The following PCDHGB3 variants were observed in gnomAD, a reference collection of about 807,000 sequenced individuals.
PCDHGB3 encodes protocadherin gamma subfamily B, 3.
In PCDHGB3, 40 loss-of-function variants were observed where a neutral mutation model predicts 59.2. That is an observed-to-expected ratio of 0.68 (90% CI 0.52 to 0.88). The LOEUF is 0.88. PCDHGB3 is among the 40% of genes least tolerant of loss of function. The probability of loss-of-function intolerance (pLI) is 0.00; values close to 1 mark genes in which losing one functional copy is unlikely to be tolerated. For synonymous variants in PCDHGB3, 581 were observed against 503.6 expected (o/e 1.15, Z -2.06); for missense variants, 1,309 against 1,187.9 (o/e 1.10, Z -1.50).
At chr5:141,457,881 G>T (rs2098931594) in intron 1 of PCDHGB3, among the ~76,000 whole-genome samples, 2 of 152,230 alleles carry the variant, frequency 1.3e-5, no homozygotes, top group African/African-American at 4.8e-5. Context: ...TAGGAACCCT[G>T]TGTGGGGACT....
rs745989563 is a variant in PCDHGB3, at chr5:141,490,728, T to G, written c.2416-4079T>G. The G allele has an allele frequency of 6.2e-7, 1 of 1,614,148 alleles. No individual in the cohort carries two copies. Among genetic ancestry groups the G allele is most frequent in the East Asian group, 2.2e-5 (1 of 44,882 alleles). ...GCCTCACCTACTCCATTGTAGGAAA[T>G]CAGGTTCAGGGAGCCCCAGCCTCCT... On this transcript the variant is annotated intron_variant, in intron 1 of 3. Transcript: ENST00000576222. The surrounding 1 kb of genome is among the most constrained non-coding windows in gnomAD (Gnocchi z 5.4).
chr5:141,474,837 C>T (rs1250443544), intron 1 of PCDHGB3, among the ~76,000 whole-genome samples: 2 of 152,214 alleles, frequency 1.3e-5, no homozygotes, highest in Admixed American at 6.5e-5. Flanking sequence ...CTGTGCCAGG[C>T]ACTTTACCTG....
chr5:141,489,354 G>A lies in PCDHGB3; in HGVS notation c.2416-5453G>A, dbSNP rs773010251. On this transcript the variant is annotated intron_variant, in intron 1 of 3. Coordinates refer to ENST00000576222, the MANE Select transcript of PCDHGB3 (RefSeq NM_018924.5). The surrounding 1 kb of genome is among the most constrained non-coding windows in gnomAD (Gnocchi z 4.5). ...AGCTTCGTTACTCAGTGGTGGAGGA[G>A]TCTGAGCCGGGGACGCTGGTGGGGA... The A allele has an allele frequency of 1.2e-5, 19 of 1,612,796 alleles. No homozygotes were observed. Among genetic ancestry groups the A allele is most frequent in the East Asian group, 2.2e-5 (1 of 44,868 alleles).
At chr5:141,454,977 T>C (rs1357011192) in intron 1 of PCDHGB3, among the ~76,000 whole-genome samples, 6 of 151,508 alleles carry the variant, frequency 4.0e-5, no homozygotes, top group Non-Finnish European at 8.8e-5. Context: ...CTGGCTAATT[T>C]TTTAAAAAAT....
intron 1 of PCDHGB3, chr5:141,394,701 C>A (rs375281416): frequency 5.0e-6 from 8 of 1,613,162 alleles, no homozygotes; most frequent in Non-Finnish European, 6.8e-6. Flanking sequence ...GCGCACGGCG[C>A]GAGCCCTGCT....
In PCDHGB3 at chr5:141,477,294, C is replaced by G. The variant is rs753131175; in HGVS notation, c.2416-17513C>G. On this transcript the variant is annotated intron_variant, in intron 1 of 3. Coordinates refer to ENST00000576222, the MANE Select transcript of PCDHGB3 (RefSeq NM_018924.5). This position sits in a 1 kb window ranked among gnomAD's most constrained non-coding sequence, Gnocchi z 4.9. ...GGGCTGGTGACCTGCGAAGTTCCACCGGGTCTCCCTTTCAGCCTTACTTCT... is the reference window on the plus strand; with the variant it reads ...GGGCTGGTGACCTGCGAAGTTCCACGGGGTCTCCCTTTCAGCCTTACTTCT... The G allele has an allele frequency of 2.1e-5, 34 of 1,614,024 alleles. No individual in the cohort carries two copies. Among genetic ancestry groups the G allele is most frequent in the Non-Finnish European group, 2.9e-5 (34 of 1,180,036 alleles).
At chr5:141,463,168 T>C (rs74924211) in intron 1 of PCDHGB3, among the ~76,000 whole-genome samples, 6,974 of 152,254 alleles carry the variant, frequency 0.046, 178 homozygotes, top group Middle Eastern at 0.082. Context: ...GTGCACTCTA[T>C]GTATGCTCAG....
At chr5:141,466,384 T>C (rs1209046694) in intron 1 of PCDHGB3, among the ~76,000 whole-genome samples, 9 of 152,168 alleles carry the variant, frequency 5.9e-5, no homozygotes, top group Non-Finnish European at 1.3e-4. Context: ...ACCCATCTAA[T>C]GGAAAGTTTG....
At chr5:141,420,494 C>T (rs978136090) in intron 1 of PCDHGB3, 6 of 499,392 alleles carry the variant, frequency 1.2e-5, no homozygotes, top group African/African-American at 2.0e-5. Flanking sequence ...GGGTAATCTC[C>T]GGTGACATTT....
At chr5:141,472,010 C>T (rs1305786275) in intron 1 of PCDHGB3, among the ~76,000 whole-genome samples, 1 of 151,978 alleles carries the variant, frequency 6.6e-6, no homozygotes, top group Non-Finnish European at 1.5e-5. Flanking sequence ...CGTATAGGGG[C>T]ACTATATTGT....
intron 1 of PCDHGB3, chr5:141,376,356 CA>C (rs1259525756): frequency 2.5e-6 from 4 of 1,614,228 alleles, no homozygotes; most frequent in Non-Finnish European, 1.7e-6. Context: ...CACGAGGTCT[CA>C]CTCACTGCAG....
intron 1 of PCDHGB3, chr5:141,397,964 T>A: frequency 9.4e-7 from 1 of 1,060,074 alleles, no homozygotes; most frequent in Non-Finnish European, 1.3e-6. Context: ...CAGCTCAGAC[T>A]CCCCAGCGCC....
chr5:141,408,921 C>T (rs1228341286), intron 1 of PCDHGB3: 2 of 1,613,462 alleles, frequency 1.2e-6, no homozygotes, highest in African/African-American at 1.3e-5. Flanking sequence ...GATAACCCCC[C>T]GGTTTTCAGC....
intron 1 of PCDHGB3, among the ~76,000 whole-genome samples, chr5:141,455,998 T>C (rs1301217416): frequency 2.6e-5 from 4 of 151,692 alleles, no homozygotes; most frequent in Non-Finnish European, 4.4e-5. Flanking sequence ...CTCGGGTTCA[T>C]GCCATTCTCC....
intron 1 of PCDHGB3, chr5:141,412,862 T>A (rs957973834): frequency 7.5e-5 from 18 of 241,156 alleles, no homozygotes; most frequent in African/African-American, 3.4e-4. Context: ...AAAGAATCTA[T>A]GTAAAATATA....
rs1036281905 is a variant in PCDHGB3 at position 141,493,555 on chromosome 5, T to A, written c.2416-1252T>A. Among the ~76,000 whole-genome samples, 3 of 152,012 alleles carry A rather than the reference T, an allele frequency of 2.0e-5. No individual in the cohort carries two copies. ...GCCAGTTATCCTTTTGGAGATTGAG[T>A]TCCCCCAGCTCCGTTTCCTCCTATC... On this transcript the variant is annotated intron_variant, in intron 1 of 3. Transcript: ENST00000576222. The surrounding 1 kb of genome is among the most constrained non-coding windows in gnomAD (Gnocchi z 4.3).
At chr5:141,394,577 G>A (rs757579320) in intron 1 of PCDHGB3, 5 of 1,613,986 alleles carry the variant, frequency 3.1e-6, no homozygotes, top group South Asian at 1.1e-5. Context: ...GCTACCTGGT[G>A]ACCAAGGTGG....
intron 1 of PCDHGB3, chr5:141,398,627 T>C: frequency 6.2e-7 from 1 of 1,614,044 alleles, no homozygotes; most frequent in Non-Finnish European, 8.5e-7. Context: ...TTAAACTCTC[T>C]GCAGAAGTAT....
chr5:141,430,804 G>T, intron 1 of PCDHGB3: 2 of 1,525,868 alleles, frequency 1.3e-6, no homozygotes, highest in Non-Finnish European at 1.8e-6. Context: ...GGCTTGTCCT[G>T]CTGGGAATCC....
Sources: gnomAD v4.1 joint callset for allele counts (sites outside exome capture counted in the v4.1 genomes callset) on GRCh38, gnomAD v4.1.1 for gene constraint, Gnocchi (gnomAD v3.1) non-coding constraint, MANE v1.5 for transcripts, NCBI Gene and HGNC (gene_info 2026-07-23, HGNC 2026-07-21) for gene names.